Variants in SPAG17 observed in about 807,000 individuals in gnomAD.
SPAG17 encodes sperm-associated antigen 17.
In SPAG17, 169 loss-of-function variants were observed where a neutral mutation model predicts 273.6. The ratio of observed to expected loss-of-function variants is 0.62; its 90% CI spans 0.55 to 0.70. The LOEUF (loss-of-function observed/expected upper bound fraction) is 0.70, where lower values mean the gene tolerates loss of function less well. SPAG17 is among the 30% of genes least tolerant of loss of function. SPAG17 has a pLI of 0.00. For missense variants in SPAG17, 2,557 were observed against 2,627.8 expected, an observed-to-expected ratio of 0.97 and a Z score of 0.59; for synonymous variants, 825 against 873.2, an observed-to-expected ratio of 0.94 and a Z score of 0.97.
In SPAG17 at chr1:118,055,832, C is replaced by A. The variant is rs762194743; in HGVS notation, c.2623G>T (p.Glu875Ter). The stretch of plus-strand genomic sequence containing the variant: ...TCAGCTCTGGTCCTGATGATTTTCT[C>A]ATTCATTTTAGATTCCTGATATATA... ...EAIYQESKMN[E>*]KIIRTRAELE... The change falls in exon 19 of 49, where the codon GAG becomes TAG. Residue 875 changes from glutamate to a stop codon, truncating the protein, a stop_gained. Transcript: ENST00000336338. LOFTEE classifies it high-confidence loss of function. The A allele has an allele frequency of 6.2e-5, 100 of 1,613,118 alleles. 1 individual carries two copies. Among genetic ancestry groups the A allele is most frequent in the Non-Finnish European group, 8.5e-5 (100 of 1,179,594 alleles).
At chr1:118,135,252 G>A (rs1398255365) in intron 3 of SPAG17, among the ~76,000 whole-genome samples, 1 of 152,142 alleles carries the variant, frequency 6.6e-6, no homozygotes. Context: ...AGCAGTGCTA[G>A]TTCACTAGTT....
At chr1:118,094,033 A>G (rs951836995) in intron 7 of SPAG17, among the ~76,000 whole-genome samples, 5 of 152,168 alleles carry the variant, frequency 3.3e-5, no homozygotes, top group Non-Finnish European at 7.3e-5. Context: ...GAAGAATGAA[A>G]TAGGCTCATC....
At chr1:117,992,817 G>A (rs941692338) in intron 35 of SPAG17, among the ~76,000 whole-genome samples, 169 bp from the exon 36 acceptor site, 2 of 152,010 alleles carry the variant, frequency 1.3e-5, no homozygotes, top group African/African-American at 2.4e-5. Flanking sequence ...AAGGAAAATC[G>A]ATAACAGAAC....
chr1:118,031,136 G>A (rs1271465119), intron 25 of SPAG17, among the ~76,000 whole-genome samples: 1 of 131,320 alleles, frequency 7.6e-6, no homozygotes. Context: ...GTGTGTGTGT[G>A]TTTACTATGA....
At chr1:118,027,103 A>G (rs1464780485) in intron 26 of SPAG17, among the ~76,000 whole-genome samples, 1 of 152,198 alleles carries the variant, frequency 6.6e-6, no homozygotes, top group African/African-American at 2.4e-5. Flanking sequence ...ATATCCTTGA[A>G]TTTGAAAGCA....
chr1:118,112,673 G>T (rs900377545), intron 4 of SPAG17, among the ~76,000 whole-genome samples: 1 of 151,962 alleles, frequency 6.6e-6, no homozygotes, highest in Non-Finnish European at 1.5e-5. Context: ...AATGTTTTCG[G>T]ATAGATTTAA....
chr1:117,997,171 T>C (rs1325750), intron 32 of SPAG17, among the ~76,000 whole-genome samples: 2 of 151,980 alleles, frequency 1.3e-5, no homozygotes, highest in Non-Finnish European at 2.9e-5. Context: ...ATGGGTAGAA[T>C]ACATTGGGAA....
At chr1:118,148,268 G>C (rs901124217) in intron 3 of SPAG17, among the ~76,000 whole-genome samples, 1 of 152,176 alleles carries the variant, frequency 6.6e-6, no homozygotes, top group African/African-American at 2.4e-5. Flanking sequence ...TGACTTCAAA[G>C]AATGAAGCCA....
chr1:118,071,777 A>G (rs1014349346), intron 17 of SPAG17, among the ~76,000 whole-genome samples: 2 of 152,256 alleles, frequency 1.3e-5, no homozygotes, highest in Non-Finnish European at 2.9e-5. Context: ...GAGCAAAGCC[A>G]AAAGATAAAT....
intron 3 of SPAG17, among the ~76,000 whole-genome samples, chr1:118,135,411 ATG>A (rs1296722404): frequency 1.9e-4 from 16 of 83,112 alleles, no homozygotes; most frequent in South Asian, 4.0e-4. Context: ...GTGTGTGTGT[ATG>A]TGTGTGTGTG....
rs1655034697 is a variant in SPAG17 at position 118,086,856 on chromosome 1, C to T, written c.1497+15G>A. The T allele has an allele frequency of 1.2e-6, 2 of 1,614,146 alleles. No individual in the cohort carries two copies. The highest frequency in any genetic ancestry group is 1.1e-5 in the South Asian group (1 of 91,072). On this transcript the variant is annotated intron_variant, in intron 11 of 48. Coordinates refer to ENST00000336338, the MANE Select transcript of SPAG17 (RefSeq NM_206996.4). Reference sequence around the variant, plus strand: ...TTCCAAAGCATGAAGACTCTGCTATCTCAGGCTATCTGACCTTTTTCTCCC... The same window carrying T: ...TTCCAAAGCATGAAGACTCTGCTATTTCAGGCTATCTGACCTTTTTCTCCC...
At chr1:117,972,229 T>C (rs1364400925) in intron 44 of SPAG17, among the ~76,000 whole-genome samples, 182 bp from the exon 45 acceptor site, 4 of 152,172 alleles carry the variant, frequency 2.6e-5, no homozygotes, top group Non-Finnish European at 5.9e-5. Context: ...GTTTTAAGGA[T>C]AAGGAAGTCA....
At chr1:118,113,973 G>A (rs1656919099) in intron 4 of SPAG17, among the ~76,000 whole-genome samples, 1 of 152,098 alleles carries the variant, frequency 6.6e-6, no homozygotes, top group Non-Finnish European at 1.5e-5. Flanking sequence ...TGGTAAACAA[G>A]TAAATTGACG....
At chr1:118,051,213 G>A (rs1416057924) in intron 20 of SPAG17, among the ~76,000 whole-genome samples, 2 of 152,096 alleles carry the variant, frequency 1.3e-5, no homozygotes, top group Admixed American at 1.3e-4. Context: ...ACACCTGATA[G>A]AATGGCTATG....
chr1:117,997,741 T>C (rs1356761872), intron 32 of SPAG17, among the ~76,000 whole-genome samples: 2 of 152,136 alleles, frequency 1.3e-5, no homozygotes, highest in African/African-American at 4.8e-5. Context: ...ACAGACAGTA[T>C]GTAAACAAAT....
chr1:118,008,295 G>T (rs1306208501), intron 30 of SPAG17, 97 bp from the exon 31 acceptor site: 4 of 1,394,950 alleles, frequency 2.9e-6, no homozygotes, highest in South Asian at 1.3e-5. Context: ...TGGCTGTCTG[G>T]ATTCCCCATG....
At chr1:118,138,692 C>T (rs1388143873) in intron 3 of SPAG17, among the ~76,000 whole-genome samples, 1 of 152,090 alleles carries the variant, frequency 6.6e-6, no homozygotes, top group Non-Finnish European at 1.5e-5. Flanking sequence ...CAGGAAAGCA[C>T]CAGCAATTAC....
intron 36 of SPAG17, among the ~76,000 whole-genome samples, 199 bp from the exon 37 acceptor site, chr1:117,991,727 C>T (rs541130982): frequency 1.3e-5 from 2 of 152,258 alleles, no homozygotes; most frequent in African/African-American, 4.8e-5. Flanking sequence ...AGTGCAAAAG[C>T]AAAGCTTTAA....
intron 28 of SPAG17, among the ~76,000 whole-genome samples, chr1:118,019,322 T>G (rs1245547629): frequency 1.3e-5 from 2 of 151,964 alleles, no homozygotes; most frequent in East Asian, 1.9e-4. Context: ...AACAAAGAAG[T>G]GTTAGATATT....
Sources: allele counts gnomAD v4.1 joint callset (sites outside exome capture counted in the v4.1 genomes callset), GRCh38; gene constraint gnomAD v4.1.1; transcripts MANE v1.5; gene names NCBI Gene and HGNC (gene_info 2026-07-23, HGNC 2026-07-21).